ADCY5: variants seen among roughly 807,000 people sequenced by gnomAD.
ADCY5 encodes the protein adenylate cyclase type 5.
Under a neutral mutation model 119.7 loss-of-function variants are expected in ADCY5, and 30 were observed. The observed-to-expected ratio is 0.25, with a 90% CI of 0.19 to 0.34. ADCY5 has a LOEUF of 0.34. Ranked by LOEUF, ADCY5 falls within the 10% of genes least tolerant of loss-of-function variation. The pLI, the probability that ADCY5 is intolerant of heterozygous loss-of-function variation, is 1.00. For missense variants in ADCY5, 1,324 were observed against 1,775.2 expected, an observed-to-expected ratio of 0.75 and a Z score of 4.57; for synonymous variants, 753 against 762.2, an observed-to-expected ratio of 0.99 and a Z score of 0.20.
intron 12 of ADCY5, among the ~76,000 whole-genome samples, chr3:123,305,921 C>T (rs553239075): frequency 6.6e-6 from 1 of 152,342 alleles, no homozygotes; most frequent in East Asian, 1.9e-4. Flanking sequence ...CTCCCAGGTT[C>T]ATGCCATTCT....
chr3:123,288,938 T>C (rs1264477046), intron 19 of ADCY5, among the ~76,000 whole-genome samples: 3 of 152,194 alleles, frequency 2.0e-5, no homozygotes, highest in Non-Finnish European at 2.9e-5. Flanking sequence ...GGCTTTGACC[T>C]GTCACAACCT....
intron 13 of ADCY5, 47 bp from the exon 14 acceptor site, chr3:123,303,266 G>A (rs1401052472): frequency 1.3e-6 from 2 of 1,582,772 alleles, no homozygotes; most frequent in Non-Finnish European, 1.7e-6. Context: ...GCTGCTGGGG[G>A]ACAGGTAGAG....
At chr3:123,422,230 TG>T (rs1945315780) in intron 1 of ADCY5, among the ~76,000 whole-genome samples, 1 of 152,118 alleles carries the variant, frequency 6.6e-6, no homozygotes, top group Non-Finnish European at 1.5e-5. Flanking sequence ...AGTCTAGATT[TG>T]GATGAGCAGT....
chr3:123,375,780 T>C (rs1394278963), intron 1 of ADCY5, among the ~76,000 whole-genome samples: 2 of 152,188 alleles, frequency 1.3e-5, no homozygotes, highest in Non-Finnish European at 2.9e-5. Flanking sequence ...AGTGGATAGC[T>C]GAAAGGCTGG....
At chr3:123,348,677 G>T (rs1374673397) in intron 2 of ADCY5, among the ~76,000 whole-genome samples, 1 of 152,130 alleles carries the variant, frequency 6.6e-6, no homozygotes, top group African/African-American at 2.4e-5. Flanking sequence ...AAGTGGAGGG[G>T]CAGGCCACAT....
intron 1 of ADCY5, among the ~76,000 whole-genome samples, chr3:123,431,951 CCA>C (rs1167284675): frequency 6.6e-6 from 1 of 152,194 alleles, no homozygotes; most frequent in Non-Finnish European, 1.5e-5. Flanking sequence ...ACAGAATCAC[CCA>C]CAGCATTACA....
At chr3:123,338,147 C>CA (rs1233411359) in intron 3 of ADCY5, among the ~76,000 whole-genome samples, 1 of 152,202 alleles carries the variant, frequency 6.6e-6, no homozygotes, top group Non-Finnish European at 1.5e-5. Flanking sequence ...CACCTCCCTG[C>CA]AGCCTCCTGG....
At chr3:123,362,640 C>A (rs968745080) in intron 1 of ADCY5, among the ~76,000 whole-genome samples, 1 of 152,156 alleles carries the variant, frequency 6.6e-6, no homozygotes, top group African/African-American at 2.4e-5. Flanking sequence ...ATGCTGCTGG[C>A]CACCTTGCCC....
In ADCY5 at chr3:123,352,543, GA is replaced by G; in HGVS notation, c.1172del (p.Ile391ThrfsTer54). 1 of 1,613,646 alleles carries G rather than the reference GA, an allele frequency of 6.2e-7. No individual in the cohort carries two copies. The highest frequency in any genetic ancestry group is 8.5e-7 in the Non-Finnish European group (1 of 1,179,732). On this transcript the variant is annotated frameshift_variant, in exon 2 of 21. Transcript: ENST00000462833. LOFTEE classifies it high-confidence loss of function. The surrounding 1 kb of genome is among the most constrained non-coding windows in gnomAD (Gnocchi z 4.8). The part of the protein sequence containing the change: ...SNVLIFSCTN[I>X]VGVCTHYPAE... Reference sequence around the variant, plus strand: ...CCGGATAGTGGGTGCAGACACCCACGATGTTGGTGCAGGAGAAAATGAGAAC... The same window carrying G: ...CCGGATAGTGGGTGCAGACACCCACGTGTTGGTGCAGGAGAAAATGAGAAC...
At chr3:123,409,543 C>T (rs1944990167) in intron 1 of ADCY5, among the ~76,000 whole-genome samples, 1 of 152,158 alleles carries the variant, frequency 6.6e-6, no homozygotes. Context: ...AAGGGAAGCA[C>T]CACCAAAAAT....
intron 3 of ADCY5, among the ~76,000 whole-genome samples, chr3:123,338,140 C>T (rs1942105669): frequency 6.6e-6 from 1 of 152,198 alleles, no homozygotes; most frequent in Admixed American, 6.5e-5. Flanking sequence ...AAACCTGCAC[C>T]TCCCTGCAGC....
At chr3:123,423,699 C>T (rs60215135) in intron 1 of ADCY5, among the ~76,000 whole-genome samples, 1,553 of 152,312 alleles carry the variant, frequency 0.01, 30 homozygotes, top group African/African-American at 0.035. Flanking sequence ...GGACAGGGCC[C>T]GGCGGCTGGC....
chr3:123,399,940 T>C (rs1944707968), intron 1 of ADCY5, among the ~76,000 whole-genome samples: 1 of 152,142 alleles, frequency 6.6e-6, no homozygotes, highest in Non-Finnish European at 1.5e-5. Context: ...TTAAGGGCTG[T>C]GTACAAAGGC....
chr3:123,401,770 G>C (rs1030903773), intron 1 of ADCY5, among the ~76,000 whole-genome samples: 2 of 152,156 alleles, frequency 1.3e-5, no homozygotes, highest in Non-Finnish European at 2.9e-5. Context: ...TCTGCTCAGA[G>C]GTAGTGAGGA....
intron 14 of ADCY5, among the ~76,000 whole-genome samples, chr3:123,302,803 A>G (rs1239738684): frequency 6.6e-6 from 1 of 152,228 alleles, no homozygotes; most frequent in Non-Finnish European, 1.5e-5. Context: ...GCTCTCAGCC[A>G]CAGTCCCTGG....
chr3:123,304,024 C>CA (rs746508012), intron 13 of ADCY5, 43 bp downstream of exon 13: 23 of 1,357,504 alleles, frequency 1.7e-5, no homozygotes, highest in Non-Finnish European at 2.4e-5. Context: ...GGGTTTGATC[C>CA]AATGGGGCTG....
At chr3:123,349,538 G>A (rs1222488751) in intron 2 of ADCY5, among the ~76,000 whole-genome samples, 1 of 152,098 alleles carries the variant, frequency 6.6e-6, no homozygotes, top group Non-Finnish European at 1.5e-5. Flanking sequence ...AACACTACCT[G>A]TGCTCAACAC....
In ADCY5 at chr3:123,283,005, A is replaced by G. The variant is rs1209104120; in HGVS notation, c.*1603T>C. ...CTTCCTCATAGGTTATAAAAATAGT[A>G]TTTTTTTCTTGGTATGTTTAACTGC... is the stretch of plus-strand genomic sequence containing the variant. On this transcript the variant is annotated 3_prime_UTR_variant, in exon 21 of 21. Coordinates refer to ENST00000462833, the MANE Select transcript of ADCY5 (RefSeq NM_183357.3). 1 of 152,108 alleles carries G rather than the reference A, an allele frequency of 6.6e-6. No individual in the cohort carries two copies. The highest frequency in any genetic ancestry group is 1.9e-4 in the East Asian group (1 of 5,180). The allele number at this position is 152,108 out of a possible 1,614,324, so 9.4% of individuals were successfully genotyped here. A position where few individuals can be genotyped will look rare whatever the true frequency, so the allele number is the denominator to read the frequency against.
chr3:123,367,800 T>C, intron 1 of ADCY5: 1 of 1,456,004 alleles, frequency 6.9e-7, no homozygotes, highest in Non-Finnish European at 9.1e-7. Flanking sequence ...ATCTCCTCCC[T>C]CTTTCCATTC....
Sources: allele counts gnomAD v4.1 joint callset (sites outside exome capture counted in the v4.1 genomes callset), GRCh38; gene constraint gnomAD v4.1.1; non-coding constraint Gnocchi (gnomAD v3.1); transcripts MANE v1.5; gene names NCBI Gene and HGNC (gene_info 2026-07-23, HGNC 2026-07-21).